The following CCDC144A variants were observed in gnomAD, a reference collection of about 807,000 sequenced individuals.
The protein encoded by CCDC144A is coiled-coil domain-containing protein 144A.
CCDC144A carries 41 observed loss-of-function variants against 143.8 expected under a neutral mutation model. The observed-to-expected ratio is 0.29, with a 90% CI of 0.22 to 0.37. CCDC144A has a LOEUF of 0.37. CCDC144A is among the 10% of genes least tolerant of loss of function. The pLI is 1.00. For missense variants in CCDC144A, 637 were observed against 1,488.8 expected (o/e 0.43, Z 9.41); for synonymous variants, 242 against 517.9 (o/e 0.47, Z 7.23).
chr17:16,689,064 C>A (rs555761104), upstream of CCDC144A, among the ~76,000 whole-genome samples: 9 of 152,270 alleles, frequency 5.9e-5, no homozygotes, highest in Non-Finnish European at 8.8e-5. Flanking sequence ...TTTCATAATG[C>A]TATCTGTCTT....
chr17:16,723,141 T>C (rs1913192238), intron 8 of CCDC144A, among the ~76,000 whole-genome samples: 1 of 151,992 alleles, frequency 6.6e-6, no homozygotes, highest in Non-Finnish European at 1.5e-5. Context: ...CCTGGAGTTT[T>C]CTTTCTAGGA....
At position 16,705,318 on chromosome 17, in the gene CCDC144A, G is replaced by C; in HGVS notation, c.583G>C (p.Gly195Arg). ...AACAGAACGAGAAAAGATGGACACT[G>C]GAGTTGTACTTCTCTCAGGGAATGA... ...NLTEREKMDT[G>R]VVLLSGNDTL... Residue 195 changes from glycine to arginine, a missense_variant, in exon 3 of 17, where the codon GGA (glycine) becomes CGA (arginine). Coordinates refer to ENST00000399273, the MANE Select transcript of CCDC144A (RefSeq NM_001382000.1). 1 of 1,025,268 alleles carries C rather than the reference G, an allele frequency of 9.8e-7. No homozygotes were observed. The highest frequency in any genetic ancestry group is 1.3e-5 in the South Asian group (1 of 76,930). 63.5% of individuals were successfully genotyped at this position (1,025,268 alleles called of 1,614,324 possible).
At position 16,690,651 on chromosome 17, in the gene CCDC144A, T is replaced by C. The variant is rs1164269456; in HGVS notation, c.251T>C (p.Leu84Pro). 3.1e-6 allele frequency: 5 copies of C among 1,613,716 alleles called. No individual in the cohort carries two copies. The African/African-American group carries it at 6.7e-5, about 22-fold the overall frequency. The part of the protein sequence containing the change: ...HDVRLEDLGE[L>P]HRAARSGDVP... ...GTCCGCCTGGAAGATCTTGGCGAGC[T>C]CCACAGAGCTGCCCGGTCGGGCGAC... The change falls in exon 1 of 17, where the codon CTC becomes CCC. Residue 84 changes from leucine (L) to proline (P), a missense_variant. Coordinates refer to ENST00000399273, the MANE Select transcript of CCDC144A (RefSeq NM_001382000.1).
intron 15 of CCDC144A, among the ~76,000 whole-genome samples, chr17:16,768,401 T>C (rs563242939): frequency 1.3e-5 from 2 of 152,344 alleles, no homozygotes; most frequent in Admixed American, 1.3e-4. Context: ...GGTGGGCTTT[T>C]GTTACATTCC....
the CCDC144A span, among the ~76,000 whole-genome samples, chr17:16,668,152 C>A: frequency 1.1e-4 from 16 of 147,444 alleles, 1 homozygote; most frequent in African/African-American, 3.2e-4. Flanking sequence ...CCCAAAAGAC[C>A]GAAGTTTTAC....
rs573191602 is a variant in CCDC144A at position 16,771,024 on chromosome 17, T to C, written c.4099-953T>C. On this transcript the variant is annotated intron_variant, in intron 15 of 16. Transcript: ENST00000399273. ...AAATTGACTTGACACCTAAAATTTC[T>C]AAAGGCATTAGATATCATTATCTTT... Among the ~76,000 whole-genome samples the C allele has an allele frequency of 2.8e-4, 43 of 152,326 alleles. No individual in the cohort carries two copies. The South Asian group carries it at 8.9e-3, about 32-fold the overall frequency.
At chr17:16,689,145 T>C (rs1040549008), upstream of CCDC144A, among the ~76,000 whole-genome samples, 1 of 152,148 alleles carries the variant, frequency 6.6e-6, no homozygotes, top group Non-Finnish European at 1.5e-5. Context: ...CCTTTCTTTC[T>C]TCCTTTCTTC....
intron 12 of CCDC144A, among the ~76,000 whole-genome samples, chr17:16,753,967 C>A (rs1429269095): frequency 6.6e-6 from 1 of 152,196 alleles, no homozygotes; most frequent in Non-Finnish European, 1.5e-5. Flanking sequence ...CAGTTTTAGA[C>A]CTTTCTTTGT....
rs534183012 is a variant in CCDC144A at position 16,707,500 on chromosome 17, A to G, written c.696A>G (p.Glu232=). Residue 232 remains glutamate, a synonymous_variant, in exon 4 of 17, where the codon GAA becomes GAG. Transcript: ENST00000399273. ...AEQDSELTSE[E]EQERLKGCEN... is the part of the protein sequence containing the mutation. ...AAGACTCGGAGCTGACATCAGAGGAAGAGCAAGAAAGACTTAAAGGATGCG... is the reference window on the plus strand; with the variant it reads ...AAGACTCGGAGCTGACATCAGAGGAGGAGCAAGAAAGACTTAAAGGATGCG... The G allele has an allele frequency of 1.3e-4, 211 of 1,607,132 alleles. No individual in the cohort carries two copies. In the Admixed American group the frequency reaches 2.8e-3, roughly 22 times the overall value.
At chr17:16,678,751 GTTTTTTTTTTT>G in the CCDC144A span, among the ~76,000 whole-genome samples, 21 of 78,080 alleles carry the variant, frequency 2.7e-4, no homozygotes, top group South Asian at 5.0e-4. Flanking sequence ...TGGCTAATTT[GTTTTTTTTTTT>G]TTTTTTTTTT....
chr17:16,681,688 G>A, the CCDC144A span, among the ~76,000 whole-genome samples: 5 of 151,872 alleles, frequency 3.3e-5, no homozygotes, highest in African/African-American at 4.8e-5. Flanking sequence ...GAGAAACCCC[G>A]TCTCTACTAA....
chr17:16,693,342 G>A (rs867847391), intron 2 of CCDC144A, among the ~76,000 whole-genome samples: 1 of 148,922 alleles, frequency 6.7e-6, no homozygotes, highest in Non-Finnish European at 1.5e-5. Context: ...TTTTTGAGAC[G>A]GAGTCTCGCT....
At chr17:16,668,469 A>G in the CCDC144A span, among the ~76,000 whole-genome samples, 15 of 152,234 alleles carry the variant, frequency 9.9e-5, no homozygotes, top group African/African-American at 3.4e-4. Flanking sequence ...CTTCGTTATG[A>G]AGATTCAATG....
Position 16,711,776 on chromosome 17 carries a change from A to G in CCDC144A, c.1676A>G (p.Asn559Ser), listed in dbSNP as rs1912463440. 1 of 1,592,724 alleles carries G rather than the reference A, an allele frequency of 6.3e-7. No individual in the cohort carries two copies. Among genetic ancestry groups the G allele is most frequent in the South Asian group, 1.1e-5 (1 of 88,818 alleles). The change falls in exon 6 of 17, where the codon AAT becomes AGT. Residue 559 changes from asparagine to serine, a missense_variant. By Grantham distance (46) the Asn-to-Ser change is conservative. Transcript: ENST00000399273. ...TTVGNDDDGL[N>S]QQIPRKENGE... ...GTTGGCAATGATGATGATGGACTAA[A>G]TCAGCAGATTCCTAGGAAGGAAAAT... is the stretch of plus-strand genomic sequence containing the variant.
chr17:16,686,097 T>G (rs914241453), upstream of CCDC144A, among the ~76,000 whole-genome samples: 65 of 148,158 alleles, frequency 4.4e-4, no homozygotes, highest in South Asian at 5.1e-3. Flanking sequence ...TTTTGTTTTT[T>G]TTTTTTTTTT....
intron 12 of CCDC144A, among the ~76,000 whole-genome samples, chr17:16,753,652 T>C (rs917347580): frequency 6.6e-6 from 1 of 152,276 alleles, no homozygotes; most frequent in African/African-American, 2.4e-5. Context: ...AATTCTTTAG[T>C]TCTAACAGGC....
At chr17:16,699,216 C>A (rs1035240971) in intron 2 of CCDC144A, among the ~76,000 whole-genome samples, 3 of 150,014 alleles carry the variant, frequency 2.0e-5, no homozygotes, top group Non-Finnish European at 4.4e-5. Flanking sequence ...TACATTTCTT[C>A]AGAAATTGGT....
intron 15 of CCDC144A, chr17:16,765,927 A>C (rs2621502): frequency 5.9e-5 from 9 of 152,390 alleles, no homozygotes; most frequent in Admixed American, 2.0e-4. Flanking sequence ...ATGAACCCCC[A>C]AAATTTGAGA....
chr17:16,700,492 T>C (rs1911672795), intron 2 of CCDC144A, among the ~76,000 whole-genome samples: 1 of 152,124 alleles, frequency 6.6e-6, no homozygotes, highest in Admixed American at 6.5e-5. Context: ...AGTTAGGGAA[T>C]GCTGGGAACC....
Sources: allele counts gnomAD v4.1 joint callset (sites outside exome capture counted in the v4.1 genomes callset), GRCh38; gene constraint gnomAD v4.1.1; transcripts MANE v1.5; gene names NCBI Gene and HGNC (gene_info 2026-07-23, HGNC 2026-07-21).